The following MBTPS2 variants were observed in gnomAD, a reference collection of about 807,000 sequenced individuals.
MBTPS2 encodes the protein membrane bound transcription factor peptidase, site 2, also known as membrane-bound transcription factor site-2 protease.
Under a neutral mutation model 35.4 loss-of-function variants are expected in MBTPS2, and 2 were observed. The observed-to-expected ratio is 0.06, with a 90% CI of 0.02 to 0.18. The LOEUF is 0.18. Among genes scored for constraint, MBTPS2 ranks in the 10% least tolerant of loss-of-function variants. MBTPS2 has a pLI of 1.00. For missense variants in MBTPS2, 244 were observed against 386.5 expected, an observed-to-expected ratio of 0.63 and a Z score of 3.09; for synonymous variants, 125 against 140.4, an observed-to-expected ratio of 0.89 and a Z score of 0.77.
At position 21,845,500 on chromosome X, in the gene MBTPS2, T is replaced by C. The variant is rs899599973; in HGVS notation, c.438+116T>C. The C allele has an allele frequency of 6.7e-6, 5 of 746,147 alleles. No homozygotes were observed. In the Admixed American group the frequency reaches 1.2e-4, roughly 18 times the overall value. 61.5% of individuals were successfully genotyped at this position (746,147 alleles called of 1,213,427 possible). A position where few individuals can be genotyped will look rare whatever the true frequency, so the allele number is the denominator to read the frequency against. On this transcript the variant is annotated intron_variant, in intron 3 of 10. Coordinates refer to ENST00000379484, the MANE Select transcript of MBTPS2 (RefSeq NM_015884.4). ...ATATGAAAATAAATTAAAAGTCTCA[T>C]AATTTTCAAATTACCTGCTTACACA... is the stretch of plus-strand genomic sequence containing the variant.
chrX:21,881,304 A>G (rs1276947494), intron 10 of MBTPS2, among the ~76,000 whole-genome samples: 1 of 111,944 alleles, frequency 8.9e-6, no homozygotes, highest in Non-Finnish European at 1.9e-5. Flanking sequence ...ATTCTGCCCC[A>G]TCCGAGATTG....
chrX:21,844,871 A>G (rs1283813043), intron 2 of MBTPS2, among the ~76,000 whole-genome samples: 2 of 112,629 alleles, frequency 1.8e-5, no homozygotes, highest in Non-Finnish European at 3.7e-5. Flanking sequence ...TCATAACGAT[A>G]TAAGGACAAG....
At chrX:21,857,761 G>C (rs1356162475) in intron 5 of MBTPS2, 1 of 588,635 alleles carries the variant, frequency 1.7e-6, no homozygotes, top group East Asian at 3.7e-5. Flanking sequence ...AGTAAAAATA[G>C]AATTTAAACG....
intron 7 of MBTPS2, 141 bp downstream of exon 7, chrX:21,869,819 G>A (rs1177678991): frequency 3.4e-5 from 17 of 495,693 alleles, no homozygotes; most frequent in Non-Finnish European, 5.9e-5. Context: ...CCAACCAATA[G>A]ACATTTTTCT....
In MBTPS2 at chrX:21,878,606, A is replaced by T. The variant is rs771739693; in HGVS notation, c.1175A>T (p.Glu392Val). Residue 392 changes from glutamate (E) to valine (V), a missense_variant, in exon 9 of 11, where the codon GAA becomes GTA. Coordinates refer to ENST00000379484, the MANE Select transcript of MBTPS2 (RefSeq NM_015884.4). ...SSSFCIIPSL[E>V]THTRLIKVKH... is the part of the protein sequence containing the mutation. ...AGTTTCTGTATAATACCTTCTTTGGAAACTCACACTCGCTTAATAAAAGTA... is the reference window on the plus strand; with the variant it reads ...AGTTTCTGTATAATACCTTCTTTGGTAACTCACACTCGCTTAATAAAAGTA... 8.3e-7 allele frequency: 1 copy of T among 1,204,051 alleles called. No individual in the cohort carries two copies.
At chrX:21,875,119 G>C (rs185409672) in intron 7 of MBTPS2, among the ~76,000 whole-genome samples, 1 of 112,535 alleles carries the variant, frequency 8.9e-6, no homozygotes, top group African/African-American at 3.2e-5. Context: ...ATGGATTTCT[G>C]TTTTGCTTGG....
intron 4 of MBTPS2, 43 bp from the exon 5 acceptor site, chrX:21,853,333 A>G: frequency 1.0e-6 from 1 of 965,726 alleles, no homozygotes; most frequent in South Asian, 2.0e-5. Context: ...TTTGATAAAT[A>G]TAATAGTATT....
intron 5 of MBTPS2, chrX:21,856,177 G>C: frequency 6.7e-6 from 2 of 297,385 alleles, no homozygotes; most frequent in Non-Finnish European, 1.2e-5. Context: ...ACGCGGGCAC[G>C]TGCACGTGCT....
intron 1 of MBTPS2, among the ~76,000 whole-genome samples, chrX:21,841,450 T>G (rs1295629755): frequency 9.0e-6 from 1 of 110,648 alleles, no homozygotes; most frequent in Non-Finnish European, 1.9e-5. Flanking sequence ...TTAAAGTACT[T>G]GGCATAGTGG....
chrX:21,860,407 C>T (rs1296404060), intron 5 of MBTPS2, among the ~76,000 whole-genome samples: 7 of 111,547 alleles, frequency 6.3e-5, no homozygotes, highest in African/African-American at 2.3e-4. Flanking sequence ...AGTGAGACTC[C>T]GTCTCAAAAA....
At chrX:21,857,214 A>G (rs764538966) in intron 5 of MBTPS2, 51 of 1,210,398 alleles carry the variant, frequency 4.2e-5, no homozygotes, top group East Asian at 5.9e-5. Context: ...AGTGAAGCCC[A>G]AAAGGTCCAA....
chrX:21,860,408 G>A (rs1012001540), intron 5 of MBTPS2, among the ~76,000 whole-genome samples: 9 of 112,079 alleles, frequency 8.0e-5, no homozygotes, highest in Non-Finnish European at 1.1e-4. Context: ...GTGAGACTCC[G>A]TCTCAAAAAA....
intron 7 of MBTPS2, chrX:21,871,174 C>G (rs947369105): frequency 3.8e-4 from 49 of 128,230 alleles, no homozygotes; most frequent in Non-Finnish European, 5.9e-4. Context: ...CTGCCATTCA[C>G]TAATCCTTAG....
intron 5 of MBTPS2, chrX:21,856,175 A>G (rs1438042822): frequency 3.4e-6 from 1 of 291,367 alleles, no homozygotes; most frequent in Non-Finnish European, 6.1e-6. Context: ...GTACGCGGGC[A>G]CGTGCACGTG....
At chrX:21,845,121 A>G (rs768048265) in intron 2 of MBTPS2, 50 bp from the exon 3 acceptor site, 7 of 1,209,658 alleles carry the variant, frequency 5.8e-6, no homozygotes, top group South Asian at 1.8e-5. Context: ...TTGCTAGTCC[A>G]TGAATTGAGA....
chrX:21,845,077 T>G, intron 2 of MBTPS2, 94 bp from the exon 3 acceptor site: 2 of 1,193,966 alleles, frequency 1.7e-6, no homozygotes, highest in Non-Finnish European at 2.3e-6. Flanking sequence ...TTAGCCATTA[T>G]TTTAAAGCTA....
At chrX:21,879,445 T>C (rs1356380633) in intron 9 of MBTPS2, among the ~76,000 whole-genome samples, 1 of 111,238 alleles carries the variant, frequency 9.0e-6, no homozygotes, top group Non-Finnish European at 1.9e-5. Flanking sequence ...TGTGCTGGGC[T>C]AATTTTTTGG....
intron 7 of MBTPS2, chrX:21,869,974 C>T (rs1336594109): frequency 8.5e-6 from 2 of 235,259 alleles, no homozygotes; most frequent in Non-Finnish European, 1.5e-5. Context: ...GGCGCAGTGG[C>T]TCACGCCTGT....
intron 5 of MBTPS2, among the ~76,000 whole-genome samples, chrX:21,855,305 C>CA (rs771768029): frequency 5.5e-5 from 6 of 109,778 alleles, no homozygotes; most frequent in East Asian, 5.7e-4. Flanking sequence ...CTCATCTCCA[C>CA]AAAAAAAATT....
Sources: allele counts gnomAD v4.1 joint callset (sites outside exome capture counted in the v4.1 genomes callset), GRCh38; gene constraint gnomAD v4.1.1; transcripts MANE v1.5; gene names NCBI Gene and HGNC (gene_info 2026-07-23, HGNC 2026-07-21).